The following LRP1B variants were observed in gnomAD, a reference collection of about 807,000 sequenced individuals.
The protein encoded by LRP1B is low-density lipoprotein receptor-related protein 1B.
A neutral mutation model predicts 556.6 loss-of-function variants in LRP1B; 217 were observed. The observed-to-expected ratio is 0.39, with a 90% CI of 0.35 to 0.44. The LOEUF (loss-of-function observed/expected upper bound fraction) is 0.44. LRP1B is among the 20% of genes least tolerant of loss of function. LRP1B has a pLI of 1.00. For synonymous variants in LRP1B, 2,047 were observed against 1,865.8 expected, an observed-to-expected ratio of 1.10 and a Z score of -2.50; for missense variants, 5,053 against 5,620.8, an observed-to-expected ratio of 0.90 and a Z score of 3.23.
rs1323836035 is a variant in LRP1B, at chr2:141,552,123, T to C, written c.206-71590A>G. Among the ~76,000 whole-genome samples, 16 of 152,178 alleles carry C rather than the reference T, an allele frequency of 1.1e-4. No individual in the cohort carries two copies. In the East Asian group the frequency reaches 2.9e-3, roughly 28 times the overall value. On this transcript the variant is annotated intron_variant, in intron 2 of 90. Transcript: ENST00000389484. ...TCATTAGAAACCTATTATGCCAGGATAGCTATGTTCCTATCATTTGTTTCT... is the reference window on the plus strand; with the variant it reads ...TCATTAGAAACCTATTATGCCAGGACAGCTATGTTCCTATCATTTGTTTCT...
intron 1 of LRP1B, among the ~76,000 whole-genome samples, chr2:141,985,522 G>A (rs1702162749): frequency 6.6e-6 from 1 of 151,568 alleles, no homozygotes; most frequent in Admixed American, 6.6e-5. Context: ...TTTTTGGGGG[G>A]GGTATCTTTT....
rs2105036819 is a variant in LRP1B at position 140,813,773 on chromosome 2, T to C, written c.5243A>G (p.Tyr1748Cys). 6.2e-7 allele frequency: 1 copy of C among 1,609,438 alleles called. No individual in the cohort carries two copies. The highest frequency in any genetic ancestry group is 2.2e-5 in the East Asian group (1 of 44,784). Residue 1748 changes from tyrosine (Y) to cysteine (C), a missense_variant, in exon 32 of 91, where the codon TAT becomes TGT. By Grantham distance (194) the Tyr-to-Cys change is radical (BLOSUM62 -2). Transcript: ENST00000389484. ...GGTTCCATTCCCTGAACTGATCCAA[T>C]AAAGCTTGTTTTCCACATAGTCTAT... Reference protein sequence around the residue: ...LSIDYVENKLYWISSGNGTIN... With the variant: ...LSIDYVENKLCWISSGNGTIN...
chr2:141,348,005 A>T (rs190290737), intron 3 of LRP1B, among the ~76,000 whole-genome samples: 57 of 152,208 alleles, frequency 3.7e-4, no homozygotes, highest in African/African-American at 1.3e-3. Context: ...CAGGTACTGA[A>T]CATCAATCTA....
At chr2:141,237,353 G>GGTTTTTTTTTTTTTTTTTTTTTTTT (rs398039112) in intron 5 of LRP1B, among the ~76,000 whole-genome samples, 1 of 93,636 alleles carries the variant, frequency 1.1e-5, no homozygotes. Context: ...GTGTTCTAGT[G>GGTTTTTTTTTTTTTTTTTTTTTTTT]TTTTTTTTTT....
chr2:141,501,281 G>A (rs1230382603), intron 2 of LRP1B, among the ~76,000 whole-genome samples: 1 of 152,032 alleles, frequency 6.6e-6, no homozygotes, highest in African/African-American at 2.4e-5. Flanking sequence ...CTAGAAAATA[G>A]GTGTATGTGG....
At chr2:142,031,327 C>CTTT (rs1252003225) in intron 1 of LRP1B, among the ~76,000 whole-genome samples, 2 of 44,388 alleles carry the variant, frequency 4.5e-5, no homozygotes, top group Non-Finnish European at 1.2e-4. Context: ...GTTGATTATA[C>CTTT]TTATTTTTTT....
At chr2:141,631,697 G>T (rs1017138631) in intron 2 of LRP1B, among the ~76,000 whole-genome samples, 1 of 152,024 alleles carries the variant, frequency 6.6e-6, no homozygotes, top group Non-Finnish European at 1.5e-5. Flanking sequence ...CCTTGTTTCT[G>T]CTTCTTCAGC....
At chr2:141,136,786 C>A (rs571113467) in intron 7 of LRP1B, among the ~76,000 whole-genome samples, 1 of 151,616 alleles carries the variant, frequency 6.6e-6, no homozygotes, top group African/African-American at 2.4e-5. Context: ...TGGGTTGAAG[C>A]GTGAATTTGA....
chr2:140,562,555 T>C (rs566969515), intron 43 of LRP1B, among the ~76,000 whole-genome samples: 203 of 152,250 alleles, frequency 1.3e-3, no homozygotes, highest in Non-Finnish European at 2.1e-3. Context: ...TAATAATAAT[T>C]TTCTCTCTAT....
chr2:141,291,515 C>A (rs542302986), intron 3 of LRP1B, among the ~76,000 whole-genome samples: 28 of 151,964 alleles, frequency 1.8e-4, no homozygotes, highest in African/African-American at 6.8e-4. Context: ...AATTTTACGG[C>A]AAAATCTATT....
intron 3 of LRP1B, among the ~76,000 whole-genome samples, chr2:141,266,989 T>C (rs1289815559): frequency 7.9e-5 from 12 of 152,182 alleles, no homozygotes; most frequent in Non-Finnish European, 1.8e-4. Context: ...CAAAATATGT[T>C]TGTGTGAGGT....
chr2:141,640,096 A>G (rs572715108), intron 2 of LRP1B, among the ~76,000 whole-genome samples: 2 of 152,298 alleles, frequency 1.3e-5, no homozygotes, highest in Non-Finnish European at 2.9e-5. Context: ...AACTACATCA[A>G]TAACGAAAAA....
chr2:140,925,004 A>T (rs1694845761), intron 20 of LRP1B, among the ~76,000 whole-genome samples: 1 of 152,150 alleles, frequency 6.6e-6, no homozygotes, highest in Admixed American at 6.6e-5. Flanking sequence ...GGAATGCAAC[A>T]ATAAAAAGAA....
chr2:140,864,704 T>C (rs912316679), intron 27 of LRP1B, among the ~76,000 whole-genome samples: 25 of 152,208 alleles, frequency 1.6e-4, no homozygotes, highest in Middle Eastern at 3.4e-3. Context: ...TGTATTTTAC[T>C]GATAAAAATA....
At chr2:140,717,532 G>A (rs1201331574) in intron 35 of LRP1B, among the ~76,000 whole-genome samples, 1 of 152,056 alleles carries the variant, frequency 6.6e-6, no homozygotes, top group African/African-American at 2.4e-5. Flanking sequence ...AATGAAAAAT[G>A]TGTCTAAAGA....
At chr2:142,008,874 C>T (rs1355884453) in intron 1 of LRP1B, among the ~76,000 whole-genome samples, 3 of 151,558 alleles carry the variant, frequency 2.0e-5, no homozygotes, top group East Asian at 3.9e-4. Flanking sequence ...TTTTGTCCTC[C>T]ATCCACCAGC....
chr2:141,993,714 A>G (rs1199492271), intron 1 of LRP1B, among the ~76,000 whole-genome samples: 1 of 152,210 alleles, frequency 6.6e-6, no homozygotes, highest in Non-Finnish European at 1.5e-5. Flanking sequence ...TGTCAGTCCT[A>G]TAGGTGAAGG....
At position 140,270,256 on chromosome 2, in the gene LRP1B, A is replaced by G; in HGVS notation, c.13233T>C (p.Asn4411=). The change falls in exon 86 of 91, where the codon AAT becomes AAC. Residue 4411 remains asparagine (N), a synonymous_variant. Coordinates refer to ENST00000389484, the MANE Select transcript of LRP1B (RefSeq NM_018557.3). ...GGTCQLDPET[N]VPVCLCSTNW... is the part of the protein sequence containing the mutation. ...TAAATACTCACAGACACACAGGTACATTTGTCTCGGGGTCCAGCTGGCATG... is the reference window on the plus strand; with the variant it reads ...TAAATACTCACAGACACACAGGTACGTTTGTCTCGGGGTCCAGCTGGCATG... 2 of 1,611,288 alleles carry G rather than the reference A, an allele frequency of 1.2e-6. No individual in the cohort carries two copies. The highest frequency in any genetic ancestry group is 1.7e-6 in the Non-Finnish European group (2 of 1,178,036).
chr2:140,565,862 A>G (rs1681105698), intron 43 of LRP1B, among the ~76,000 whole-genome samples: 1 of 152,106 alleles, frequency 6.6e-6, no homozygotes, highest in African/African-American at 2.4e-5. Flanking sequence ...GGAAAAGGTA[A>G]ACAAAAGGAT....
Sources: allele counts gnomAD v4.1 joint callset (sites outside exome capture counted in the v4.1 genomes callset), GRCh38; gene constraint gnomAD v4.1.1; transcripts MANE v1.5; gene names NCBI Gene and HGNC (gene_info 2026-07-23, HGNC 2026-07-21).